The following ALPK2 variants were observed in gnomAD, a reference collection of about 807,000 sequenced individuals.
ALPK2 encodes the protein alpha kinase 2.
Under a neutral mutation model 163.1 loss-of-function variants are expected in ALPK2, and 127 were observed. The observed-to-expected ratio is 0.78, with a 90% CI of 0.67 to 0.90. ALPK2 has a LOEUF of 0.90. Among genes scored for constraint, ALPK2 ranks in the 40% least tolerant of loss-of-function variants. The pLI is 0.00. For missense variants in ALPK2, 2,360 were observed against 2,589.6 expected (o/e 0.91, Z 1.92); for synonymous variants, 953 against 959.1 (o/e 0.99, Z 0.12).
intron 4 of ALPK2, among the ~76,000 whole-genome samples, chr18:58,577,015 C>T (rs1327895550): frequency 1.3e-5 from 2 of 152,218 alleles, no homozygotes; most frequent in African/African-American, 2.4e-5. Context: ...CAGGTTGGAC[C>T]TTCAGCTGAT....
intron 8 of ALPK2, among the ~76,000 whole-genome samples, chr18:58,523,354 G>C (rs191052749): frequency 2.2e-4 from 34 of 152,058 alleles, no homozygotes; most frequent in African/African-American, 7.5e-4. Flanking sequence ...TTGCTATTGT[G>C]AATAGTGCCT....
chr18:58,524,115 T>G (rs1280014142), intron 6 of ALPK2, 53 bp from the exon 7 acceptor site: 6 of 1,569,666 alleles, frequency 3.8e-6, no homozygotes, highest in Non-Finnish European at 4.3e-6. Flanking sequence ...CAGTTGCATT[T>G]TTTCCTAATA....
At chr18:58,499,410 C>T (rs1005956473) in intron 11 of ALPK2, among the ~76,000 whole-genome samples, 3 of 152,180 alleles carry the variant, frequency 2.0e-5, no homozygotes, top group African/African-American at 7.2e-5. Context: ...GAGCCACCCT[C>T]TCTCACTCTA....
At chr18:58,513,472 T>A (rs1306390290) in intron 10 of ALPK2, among the ~76,000 whole-genome samples, 6 of 152,212 alleles carry the variant, frequency 3.9e-5, no homozygotes, top group Non-Finnish European at 8.8e-5. Context: ...GTGGCCTATT[T>A]ACTGTGATGC....
intron 4 of ALPK2, among the ~76,000 whole-genome samples, chr18:58,562,057 G>C (rs766196913): frequency 6.6e-6 from 1 of 152,078 alleles, no homozygotes; most frequent in Non-Finnish European, 1.5e-5. Context: ...GTGTTGATCT[G>C]ATTTTCTTAT....
rs1438710041 is a variant in ALPK2 at position 58,498,924 on chromosome 18, A to G, written c.6248-827T>C. ...ATCGGCAGTGTGAAAATGGACTAAC[A>G]CAGGGCTCAAGGGGCATGTGTTTAG... is the stretch of plus-strand genomic sequence containing the variant. On this transcript the variant is annotated intron_variant, in intron 11 of 12. Coordinates refer to ENST00000361673, the MANE Select transcript of ALPK2 (RefSeq NM_052947.4). 2.0e-5 allele frequency among the ~76,000 whole-genome samples: 3 copies of G among 152,190 alleles called. No homozygotes were observed. The East Asian group carries it at 5.8e-4, about 29-fold the overall frequency.
intron 6 of ALPK2, among the ~76,000 whole-genome samples, chr18:58,525,576 G>A (rs1323867700): frequency 6.6e-6 from 1 of 152,146 alleles, no homozygotes; most frequent in East Asian, 1.9e-4. Flanking sequence ...CTTGGCCCAT[G>A]GTCCCCACCC....
Position 58,517,175 on chromosome 18 carries a change from T to TGAAGAG in ALPK2, c.5672_5673insCTCTTC (p.Glu1891delinsAspSerSer). The TGAAGAG allele has an allele frequency of 6.2e-7, 1 of 1,613,568 alleles. No homozygotes were observed. Among genetic ancestry groups the TGAAGAG allele is most frequent in the Admixed American group, 1.7e-5 (1 of 60,018 alleles). On this transcript the variant is annotated protein_altering_variant, in exon 9 of 13. Transcript: ENST00000361673. Reference sequence around the variant, plus strand: ...AGATGAGTTGGCTGAATTCAATCTCTTCACATCCTGAAACACAGCACAGCT... The same window carrying TGAAGAG: ...AGATGAGTTGGCTGAATTCAATCTCTGAAGAGTCACATCCTGAAACACAGCACAGCT...
chr18:58,622,302 G>A (rs145555193), intron 1 of ALPK2, among the ~76,000 whole-genome samples: 9 of 152,002 alleles, frequency 5.9e-5, no homozygotes, highest in East Asian at 3.9e-4. Flanking sequence ...AGCCGAGATC[G>A]CACCATTGCA....
In ALPK2 at chr18:58,504,046, A is replaced by G; in HGVS notation, c.6132T>C (p.Asp2044=). 2 of 1,614,104 alleles carry G rather than the reference A, an allele frequency of 1.2e-6. No individual in the cohort carries two copies. The highest frequency in any genetic ancestry group is 1.1e-5 in the South Asian group (1 of 91,072). ...TTCTCAAGAAGTTTATTTCTTTCCC[A>G]TCCCTGATGGAATACTTCACAAATT... ...IGEFVKYSIR[D]GKEINFLRRE... is the part of the protein sequence containing the mutation. The change falls in exon 11 of 13, where the codon GAT becomes GAC. Residue 2044 remains aspartate (D), a synonymous_variant. Coordinates refer to ENST00000361673, the MANE Select transcript of ALPK2 (RefSeq NM_052947.4).
intron 4 of ALPK2, chr18:58,543,365 C>T (rs2051701131): frequency 3.0e-6 from 3 of 985,308 alleles, no homozygotes; most frequent in African/African-American, 3.5e-5. Flanking sequence ...GCTCTGTGCA[C>T]CAGACCTCAG....
chr18:58,542,850 G>T (rs1816893343), intron 4 of ALPK2, among the ~76,000 whole-genome samples: 1 of 152,162 alleles, frequency 6.6e-6, no homozygotes, highest in African/African-American at 2.4e-5. Context: ...GGTCACAGGG[G>T]CTGAAGCCTT....
intron 10 of ALPK2, 88 bp from the exon 11 acceptor site, chr18:58,504,236 C>T (rs982322159): frequency 7.1e-6 from 8 of 1,130,820 alleles, no homozygotes; most frequent in East Asian, 2.4e-5. Context: ...TGGAGCAGCA[C>T]GGAGCATAGA....
chr18:58,486,614 C>G (rs1029219602), intron 12 of ALPK2, among the ~76,000 whole-genome samples: 7 of 152,192 alleles, frequency 4.6e-5, no homozygotes, highest in African/African-American at 1.4e-4. Context: ...AATTTTCGAC[C>G]CTCAACTTGG....
intron 3 of ALPK2, among the ~76,000 whole-genome samples, chr18:58,584,535 C>G (rs2051976011): frequency 6.6e-6 from 1 of 152,234 alleles, no homozygotes; most frequent in African/African-American, 2.4e-5. Context: ...AAGGAAACGA[C>G]ACAGTGTAGA....
intron 5 of ALPK2, among the ~76,000 whole-genome samples, chr18:58,530,428 T>A (rs1028885929): frequency 1.3e-5 from 2 of 152,182 alleles, no homozygotes; most frequent in Admixed American, 1.3e-4. Context: ...GGCCTGCTGG[T>A]TCCTGCCCAA....
At chr18:58,551,268 A>G (rs2051758766) in intron 4 of ALPK2, among the ~76,000 whole-genome samples, 2 of 152,168 alleles carry the variant, frequency 1.3e-5, no homozygotes, top group Non-Finnish European at 2.9e-5. Flanking sequence ...TGTGCATTCA[A>G]GGTGTCGCCA....
rs1568089418 is a variant in ALPK2 at position 58,573,344 on chromosome 18, A to ATG, written c.1962+5468_1962+5469dup. On this transcript the variant is annotated intron_variant, in intron 4 of 12. Coordinates refer to ENST00000361673, the MANE Select transcript of ALPK2 (RefSeq NM_052947.4). ...TATATATGTATATATGTGTATATAT[A>ATG]TGTATATATATATGTGTGTGTATAT... Among the ~76,000 whole-genome samples, 71 of 108,502 alleles carry ATG rather than the reference A, an allele frequency of 6.5e-4. 2 individuals carry two copies. Among genetic ancestry groups the ATG allele is most frequent in the African/African-American group, 2.2e-3 (69 of 31,146 alleles). The allele number at this position is 108,502 out of a possible 152,430, so 71.2% of individuals were successfully genotyped here.
intron 3 of ALPK2, among the ~76,000 whole-genome samples, chr18:58,595,718 C>G (rs1012829036): frequency 6.6e-6 from 1 of 152,086 alleles, no homozygotes; most frequent in Non-Finnish European, 1.5e-5. Context: ...TAAAGTTCCC[C>G]AGAGGTAATG....
Sources: gnomAD v4.1 joint callset for allele counts (sites outside exome capture counted in the v4.1 genomes callset) on GRCh38, gnomAD v4.1.1 for gene constraint, MANE v1.5 for transcripts, NCBI Gene and HGNC (gene_info 2026-07-23, HGNC 2026-07-21) for gene names.